FTO: variants seen among roughly 807,000 people sequenced by gnomAD.
FTO encodes alpha-ketoglutarate-dependent dioxygenase FTO.
Under a neutral mutation model 63.9 loss-of-function variants are expected in FTO, and 47 were observed. The ratio of observed to expected loss-of-function variants is 0.74; its 90% CI spans 0.58 to 0.94. The LOEUF (loss-of-function observed/expected upper bound fraction) is 0.94. Ranked by LOEUF, FTO falls within the 40% of genes least tolerant of loss-of-function variation. FTO has a pLI of 0.00. For missense variants in FTO, 562 were observed against 618.1 expected (o/e 0.91, Z 0.96); for synonymous variants, 207 against 224.4 (o/e 0.92, Z 0.69).
Position 53,825,941 on chromosome 16 carries a change from A to C in FTO, c.201A>C (p.Glu67Asp), listed in dbSNP as rs975320571. The C allele has an allele frequency of 6.2e-7, 1 of 1,614,166 alleles. No individual in the cohort carries two copies. The highest frequency in any genetic ancestry group is 1.3e-5 in the African/African-American group (1 of 75,032). Residue 67 changes from glutamate to aspartate, a missense_variant, in exon 3 of 9, where the codon GAA (glutamate) becomes GAC (aspartate). Transcript: ENST00000471389. ...VSEELHKEVQ[E>D]AFLTLHKHGC... ...AGGAGCTCCATAAAGAGGTTCAAGAAGCCTTTCTCACACTGCACAAGCATG... is the reference window on the plus strand; with the variant it reads ...AGGAGCTCCATAAAGAGGTTCAAGACGCCTTTCTCACACTGCACAAGCATG...
intron 1 of FTO, among the ~76,000 whole-genome samples, chr16:53,753,264 A>AAAAC (rs2076842277): frequency 6.6e-6 from 1 of 151,434 alleles, no homozygotes; most frequent in African/African-American, 2.4e-5. Flanking sequence ...AAAAAAAAAA[A>AAAAC]AAAACAAAAC....
intron 3 of FTO, among the ~76,000 whole-genome samples, chr16:53,826,964 A>G (rs2079024586): frequency 6.6e-6 from 1 of 152,310 alleles, no homozygotes; most frequent in Middle Eastern, 3.4e-3. Flanking sequence ...TGACATCACT[A>G]TCTTGATGGG....
At chr16:53,806,272 G>A (rs2078365007) in intron 1 of FTO, among the ~76,000 whole-genome samples, 1 of 152,184 alleles carries the variant, frequency 6.6e-6, no homozygotes. Context: ...TGAATTTCAT[G>A]TGAGGAATTA....
chr16:54,032,579 T>C (rs539870973), intron 8 of FTO, among the ~76,000 whole-genome samples: 1 of 152,328 alleles, frequency 6.6e-6, no homozygotes, highest in Non-Finnish European at 1.5e-5. Flanking sequence ...GGAAAAAGAA[T>C]CCAAACAGTT....
chr16:54,048,290 T>A, intron 8 of FTO, among the ~76,000 whole-genome samples: 1 of 146,148 alleles, frequency 6.8e-6, no homozygotes. Context: ...AAGATTTGAG[T>A]TGCTTGGGTG....
At chr16:53,802,857 C>A (rs1455791382) in intron 1 of FTO, among the ~76,000 whole-genome samples, 1 of 152,054 alleles carries the variant, frequency 6.6e-6, no homozygotes, top group African/African-American at 2.4e-5. Flanking sequence ...GTGTATCTTG[C>A]CTCTCAGATA....
intron 1 of FTO, among the ~76,000 whole-genome samples, chr16:53,803,665 A>G (rs2078285461): frequency 6.6e-6 from 1 of 152,186 alleles, no homozygotes; most frequent in Non-Finnish European, 1.5e-5. Context: ...GTACCTGGGA[A>G]CTAAGAATGT....
At chr16:54,065,031 A>G (rs2085687524) in intron 8 of FTO, among the ~76,000 whole-genome samples, 1 of 152,202 alleles carries the variant, frequency 6.6e-6, no homozygotes. Flanking sequence ...GACTCTGGTC[A>G]CAATGGCCAC....
At chr16:54,096,375 T>A (rs2086516653) in intron 8 of FTO, among the ~76,000 whole-genome samples, 1 of 152,192 alleles carries the variant, frequency 6.6e-6, no homozygotes, top group African/African-American at 2.4e-5. Context: ...AACATGACAA[T>A]CCTGATGCTG....
intron 1 of FTO, among the ~76,000 whole-genome samples, chr16:53,731,190 A>G (rs1445814429): frequency 2.0e-5 from 3 of 152,188 alleles, no homozygotes; most frequent in Admixed American, 6.5e-5. Flanking sequence ...GAGTTCAGTA[A>G]TGGGCATAAA....
chr16:53,810,170 A>C lies in FTO; in HGVS notation c.76A>C (p.Thr26Pro). The C allele has an allele frequency of 6.2e-7, 1 of 1,611,912 alleles. No homozygotes were observed. The highest frequency in any genetic ancestry group is 1.1e-5 in the South Asian group (1 of 91,012). The change falls in exon 2 of 9, where the codon ACT (threonine) becomes CCT (proline). Residue 26 changes from threonine to proline, a missense_variant. Transcript: ENST00000471389. ...GAGGCTTCTTGAAGAGCTTGAAGAC[A>C]CTTGGCTCCCTTATCTGACCCCCAA... is the stretch of plus-strand genomic sequence containing the variant. ...KLRLLEELED[T>P]WLPYLTPKDD...
intron 8 of FTO, among the ~76,000 whole-genome samples, chr16:54,023,018 T>C (rs1478991902): frequency 6.6e-6 from 1 of 152,228 alleles, no homozygotes; most frequent in East Asian, 1.9e-4. Flanking sequence ...GCATTACTAC[T>C]TGTAATGAAA....
chr16:53,932,507 A>G (rs1305234347), intron 7 of FTO, among the ~76,000 whole-genome samples: 1 of 151,524 alleles, frequency 6.6e-6, no homozygotes, highest in Non-Finnish European at 1.5e-5. Context: ...CTCCTGCCTC[A>G]GCCTCCTGAG....
chr16:53,778,018 A>AT, intron 1 of FTO, among the ~76,000 whole-genome samples: 1 of 152,288 alleles, frequency 6.6e-6, no homozygotes, highest in East Asian at 1.9e-4. Flanking sequence ...TATGTTTACT[A>AT]TTTTGTCACA....
intron 1 of FTO, among the ~76,000 whole-genome samples, chr16:53,793,993 A>C (rs1002265573): frequency 2.6e-5 from 4 of 152,242 alleles, no homozygotes; most frequent in African/African-American, 9.6e-5. Context: ...CCTAACTAAC[A>C]ATCAAATAAA....
chr16:53,869,513 A>G (rs1277559870), intron 4 of FTO, among the ~76,000 whole-genome samples: 2 of 141,350 alleles, frequency 1.4e-5, no homozygotes, highest in Non-Finnish European at 3.1e-5. Flanking sequence ...TACATATATT[A>G]CACCTATTGC....
chr16:53,902,042 A>G (rs1484179592), intron 7 of FTO, among the ~76,000 whole-genome samples: 2 of 152,186 alleles, frequency 1.3e-5, no homozygotes, highest in Admixed American at 1.3e-4. Flanking sequence ...TTGCTCCCCT[A>G]GAGAACAAAT....
chr16:53,712,852 G>A (rs2075807128), intron 1 of FTO, among the ~76,000 whole-genome samples: 1 of 152,078 alleles, frequency 6.6e-6, no homozygotes, highest in Non-Finnish European at 1.5e-5. Flanking sequence ...TTATGATTCT[G>A]GATCCTTGGC....
chr16:54,085,616 A>C (rs186313166), intron 8 of FTO, among the ~76,000 whole-genome samples: 20 of 152,178 alleles, frequency 1.3e-4, no homozygotes, highest in Admixed American at 7.2e-4. Context: ...TAATGTGTAG[A>C]TATCAAAAGA....
Sources: gnomAD v4.1 joint callset for allele counts (sites outside exome capture counted in the v4.1 genomes callset) on GRCh38, gnomAD v4.1.1 for gene constraint, MANE v1.5 for transcripts, NCBI Gene and HGNC (gene_info 2026-07-23, HGNC 2026-07-21) for gene names.